GRXCR1: variants seen among roughly 807,000 people sequenced by gnomAD.
GRXCR1 encodes glutaredoxin and cysteine rich domain containing 1.
A neutral mutation model predicts 27.3 loss-of-function variants in GRXCR1; 27 were observed. The ratio of observed to expected loss-of-function variants is 0.99; its 90% CI spans 0.73 to 1.37. The LOEUF (loss-of-function observed/expected upper bound fraction) is 1.37. Among genes scored for constraint, GRXCR1 ranks in the 40% most tolerant of loss-of-function variants. The pLI is 0.00. For synonymous variants in GRXCR1, 122 were observed against 131.1 expected, an observed-to-expected ratio of 0.93 and a Z score of 0.47; for missense variants, 379 against 354.4, an observed-to-expected ratio of 1.07 and a Z score of -0.56.
intron 2 of GRXCR1, among the ~76,000 whole-genome samples, chr4:43,010,228 C>A (rs1379994840): frequency 6.6e-6 from 1 of 151,936 alleles, no homozygotes; most frequent in Non-Finnish European, 1.5e-5. Flanking sequence ...ATGGTGAAAC[C>A]CTGCCTCTAC....
intron 1 of GRXCR1, among the ~76,000 whole-genome samples, chr4:42,958,033 G>T (rs1402959294): frequency 6.6e-6 from 1 of 151,904 alleles, no homozygotes; most frequent in Admixed American, 6.6e-5. Context: ...AGCCTTTGCA[G>T]CATGGGCTTG....
chr4:42,948,174 T>C (rs1747791622), intron 1 of GRXCR1, among the ~76,000 whole-genome samples: 1 of 152,026 alleles, frequency 6.6e-6, no homozygotes, highest in African/African-American at 2.4e-5. Context: ...CCTTTTCATG[T>C]AATGCGAAGT....
chr4:42,940,319 G>A (rs572022906), intron 1 of GRXCR1, among the ~76,000 whole-genome samples: 1 of 152,154 alleles, frequency 6.6e-6, no homozygotes, highest in South Asian at 2.1e-4. Context: ...CTTCAGATGA[G>A]CAGATCTTAG....
chr4:43,020,370 T>C lies in GRXCR1; in HGVS notation c.644T>C (p.Leu215Ser). The change falls in exon 3 of 4, where the codon TTG becomes TCG. Residue 215 changes from leucine (L) to serine (S), a missense_variant. Leu to Ser is a moderately radical substitution (Grantham distance 145). Transcript: ENST00000399770. The part of the protein sequence containing the change: ...GHYLGGAEKI[L>S]SMNESGELQD... ...CGTTAATAGGGTGCTGAGAAAATTT[T>C]GTCAATGAATGAATCAGGAGAACTG... 6.2e-7 allele frequency: 1 copy of C among 1,611,122 alleles called. No homozygotes were observed. The highest frequency in any genetic ancestry group is 8.5e-7 in the Non-Finnish European group (1 of 1,177,322).
intron 1 of GRXCR1, among the ~76,000 whole-genome samples, chr4:42,929,023 A>G (rs1747236991): frequency 6.6e-6 from 1 of 152,008 alleles, no homozygotes; most frequent in Non-Finnish European, 1.5e-5. Flanking sequence ...GAAAATAAAA[A>G]AATACATACA....
In GRXCR1 at chr4:43,008,464, G is replaced by A. The variant is rs112250811; in HGVS notation, c.628-11890G>A. ...CAAGCAAAATCCTGGAAGTGTCTAT[G>A]AGGCACAAGATCTATGACCAGATTT... On this transcript the variant is annotated intron_variant, in intron 2 of 3. Transcript: ENST00000399770. Among the ~76,000 whole-genome samples, 309 of 152,304 alleles carry A rather than the reference G, an allele frequency of 2.0e-3. 1 individual carries two copies. The highest frequency in any genetic ancestry group is 6.8e-3 in the Middle Eastern group (2 of 294).
intron 2 of GRXCR1, among the ~76,000 whole-genome samples, chr4:43,008,128 T>C (rs1346479895): frequency 1.3e-5 from 2 of 152,216 alleles, no homozygotes; most frequent in Non-Finnish European, 2.9e-5. Flanking sequence ...TTTTTGCTTC[T>C]TTAAGTACAT....
At chr4:42,978,114 G>A (rs1748566188) in intron 2 of GRXCR1, among the ~76,000 whole-genome samples, 1 of 152,050 alleles carries the variant, frequency 6.6e-6, no homozygotes, top group Admixed American at 6.6e-5. Context: ...GGCTGCAAAT[G>A]TGTGGATTTA....
chr4:42,996,975 A>G (rs939956544), intron 2 of GRXCR1, among the ~76,000 whole-genome samples: 3 of 152,108 alleles, frequency 2.0e-5, no homozygotes, highest in African/African-American at 7.2e-5. Flanking sequence ...CTTCCTGAAT[A>G]TTATTTACTT....
intron 1 of GRXCR1, among the ~76,000 whole-genome samples, chr4:42,896,446 C>T (rs1746348229): frequency 6.6e-6 from 1 of 151,978 alleles, no homozygotes; most frequent in South Asian, 2.1e-4. Context: ...AGCAGAAGGC[C>T]ACCTGGCTGC....
intron 1 of GRXCR1, among the ~76,000 whole-genome samples, chr4:42,925,367 TA>T (rs1428603842): frequency 6.6e-6 from 1 of 151,994 alleles, no homozygotes; most frequent in Middle Eastern, 3.2e-3. Flanking sequence ...TCAAGGAATG[TA>T]AAAAACTTGA....
intron 1 of GRXCR1, among the ~76,000 whole-genome samples, chr4:42,912,110 T>C (rs550788325): frequency 2.0e-5 from 3 of 152,234 alleles, no homozygotes; most frequent in Admixed American, 1.3e-4. Context: ...ATTGTCCAGG[T>C]ATAGTTATCA....
At chr4:42,915,851 T>C (rs1746873117) in intron 1 of GRXCR1, among the ~76,000 whole-genome samples, 2 of 152,164 alleles carry the variant, frequency 1.3e-5, no homozygotes, top group Non-Finnish European at 2.9e-5. Context: ...ATGAATGTCA[T>C]GTTTAGATTT....
intron 1 of GRXCR1, among the ~76,000 whole-genome samples, chr4:42,959,584 G>A (rs1748083795): frequency 6.6e-6 from 1 of 151,920 alleles, no homozygotes; most frequent in Admixed American, 6.6e-5. Flanking sequence ...AATAATGTAT[G>A]TATTAATTTG....
chr4:42,930,714 T>A (rs192276643), intron 1 of GRXCR1, among the ~76,000 whole-genome samples: 1 of 152,150 alleles, frequency 6.6e-6, no homozygotes, highest in South Asian at 2.1e-4. Context: ...AAGTGAATTA[T>A]TACCTTTTTG....
chr4:43,002,220 C>T (rs375400151), intron 2 of GRXCR1, among the ~76,000 whole-genome samples: 699 of 152,362 alleles, frequency 4.6e-3, no homozygotes, highest in East Asian at 9.8e-3. Flanking sequence ...TTATGGGTGT[C>T]GGGCTGGGGG....
intron 1 of GRXCR1, among the ~76,000 whole-genome samples, chr4:42,914,429 A>T (rs115187266): frequency 6.6e-6 from 1 of 152,208 alleles, no homozygotes; most frequent in African/African-American, 2.4e-5. Context: ...TTGAACTTGC[A>T]TGGGGGCTGT....
chr4:42,962,836 A>G, intron 1 of GRXCR1, 56 bp from the exon 2 acceptor site: 4 of 1,597,916 alleles, frequency 2.5e-6, no homozygotes, highest in Non-Finnish European at 3.4e-6. Flanking sequence ...TCTTAAAATC[A>G]TAAGACACAA....
chr4:42,932,133 A>G (rs1184578045), intron 1 of GRXCR1, among the ~76,000 whole-genome samples: 1 of 151,894 alleles, frequency 6.6e-6, no homozygotes, highest in Non-Finnish European at 1.5e-5. Context: ...TTGGGTGGGG[A>G]CACAGTCAAA....
Sources: gnomAD v4.1 joint callset for allele counts (sites outside exome capture counted in the v4.1 genomes callset) on GRCh38, gnomAD v4.1.1 for gene constraint, MANE v1.5 for transcripts, NCBI Gene and HGNC (gene_info 2026-07-23, HGNC 2026-07-21) for gene names.